Variants in PDK1 observed in about 807,000 individuals in gnomAD.
PDK1 encodes the protein pyruvate dehydrogenase kinase 1, also known as [Pyruvate dehydrogenase (acetyl-transferring)] kinase isozyme 1, mitochondrial.
A neutral mutation model predicts 54.2 loss-of-function variants in PDK1; 39 were observed. The ratio of observed to expected loss-of-function variants is 0.72; its 90% CI spans 0.56 to 0.94. The LOEUF (loss-of-function observed/expected upper bound fraction) is 0.94, where lower values mean the gene tolerates loss of function less well. PDK1 is among the 40% of genes least tolerant of loss of function. The probability of loss-of-function intolerance (pLI) is 0.00; values close to 1 mark genes in which losing one functional copy is unlikely to be tolerated. For synonymous variants in PDK1, 221 were observed against 207.1 expected (o/e 1.07, Z -0.58); for missense variants, 552 against 566.0 (o/e 0.98, Z 0.25).
chr2:172,717,163 C>G, the PDK1 span, among the ~76,000 whole-genome samples: 28 of 152,202 alleles, frequency 1.8e-4, no homozygotes, highest in Admixed American at 1.8e-3. Context: ...TATCAAAGAA[C>G]TGCTTACGGC....
At chr2:172,693,753 C>T in the PDK1 span, among the ~76,000 whole-genome samples, 1 of 152,178 alleles carries the variant, frequency 6.6e-6, no homozygotes, top group Admixed American at 6.5e-5. Flanking sequence ...TGCTCCACAT[C>T]TGAGCAAGCT....
At chr2:172,584,111 T>C (rs540741786) in intron 8 of PDK1, among the ~76,000 whole-genome samples, 102 of 152,286 alleles carry the variant, frequency 6.7e-4, no homozygotes, top group African/African-American at 2.3e-3. Context: ...CTTACGAACA[T>C]ATCAGAAAGT....
At chr2:172,632,001 C>T in the PDK1 span, among the ~76,000 whole-genome samples, 5 of 151,974 alleles carry the variant, frequency 3.3e-5, no homozygotes, top group African/African-American at 9.7e-5. Context: ...TGAGGCCGGA[C>T]GTGGTGGCTC....
the PDK1 span, among the ~76,000 whole-genome samples, chr2:172,661,493 C>T: frequency 2.6e-5 from 4 of 152,106 alleles, no homozygotes; most frequent in Non-Finnish European, 4.4e-5. Context: ...CATTCAGTGA[C>T]GTCAGCCATG....
chr2:172,591,960 T>A (rs762576045), intron 9 of PDK1, among the ~76,000 whole-genome samples: 1 of 152,230 alleles, frequency 6.6e-6, no homozygotes, highest in African/African-American at 2.4e-5. Context: ...ATAGTTTCCT[T>A]ATTACTTACT....
intron 8 of PDK1, among the ~76,000 whole-genome samples, chr2:172,585,316 ATTTTTTTTTTTTTTT>A (rs538241255): frequency 1.9e-5 from 2 of 103,300 alleles, no homozygotes; most frequent in Non-Finnish European, 1.9e-5. Context: ...TGCATTTTTA[ATTTTTTTTTTTTTTT>A]TTTTTTTTTT....
the PDK1 span, among the ~76,000 whole-genome samples, chr2:172,672,660 T>G: frequency 5.3e-5 from 8 of 152,284 alleles, no homozygotes; most frequent in African/African-American, 1.9e-4. Flanking sequence ...CTTTGTATTT[T>G]TACAATATCA....
the PDK1 span, among the ~76,000 whole-genome samples, chr2:172,705,511 G>T: frequency 6.6e-6 from 1 of 152,068 alleles, no homozygotes; most frequent in African/African-American, 2.4e-5. Flanking sequence ...TGTATGTTTC[G>T]CTTTACCATA....
intron 3 of PDK1, chr2:172,562,632 A>G (rs1371630468): frequency 2.8e-6 from 2 of 703,198 alleles, no homozygotes; most frequent in Non-Finnish European, 5.0e-6. Context: ...TGCCCATATC[A>G]TCTGATTGTT....
intron 3 of PDK1, 63 bp from the exon 4 acceptor site, chr2:172,564,440 A>G: frequency 7.4e-7 from 1 of 1,359,296 alleles, no homozygotes; most frequent in Non-Finnish European, 1.0e-6. Flanking sequence ...GGTTAAGCTT[A>G]TATTTTTGTA....
rs1335926870 is a variant in PDK1 at position 172,564,668 on chromosome 2, A to G, written c.576A>G (p.Arg192=). The G allele has an allele frequency of 6.2e-7, 1 of 1,613,892 alleles. No homozygotes were observed. The highest frequency in any genetic ancestry group is 1.7e-5 in the Admixed American group (1 of 60,026). Residue 192 remains arginine, a synonymous_variant, in exon 4 of 11, where the codon AGA becomes AGG. Transcript: ENST00000282077. ...DRFYMSRISI[R]MLLNQHSLLF... is the part of the protein sequence containing the mutation. ...TCTACATGAGTCGCATTTCAATTAG[A>G]ATGTTACTCAATCAGCACTGTAAGT... is the stretch of plus-strand genomic sequence containing the variant.
the PDK1 span, among the ~76,000 whole-genome samples, chr2:172,629,809 T>G: frequency 1.3e-5 from 2 of 152,164 alleles, no homozygotes; most frequent in African/African-American, 2.4e-5. Context: ...CTCCTGCCGA[T>G]TGGCCAGAAG....
the PDK1 span, among the ~76,000 whole-genome samples, chr2:172,622,819 ATATAT>A: frequency 1.4e-5 from 2 of 147,384 alleles, no homozygotes; most frequent in Non-Finnish European, 3.0e-5. Context: ...GTATATGTTT[ATATAT>A]TATATGTAAT....
intron 9 of PDK1, among the ~76,000 whole-genome samples, chr2:172,587,502 G>GT (rs1471320180): frequency 6.6e-6 from 1 of 151,432 alleles, no homozygotes; most frequent in Non-Finnish European, 1.5e-5. Flanking sequence ...CGTGGTCTCG[G>GT]TGGCTTCAGG....
the PDK1 span, among the ~76,000 whole-genome samples, chr2:172,628,895 G>T: frequency 2.0e-5 from 3 of 152,148 alleles, no homozygotes; most frequent in African/African-American, 2.4e-5. Flanking sequence ...GAGTTGGGAG[G>T]ACTTCTTGAG....
rs1375737094 is a variant in PDK1 at position 172,599,894 on chromosome 2, TCTTTTA to T, written c.*3930_*3935del. 3.9e-5 allele frequency: 6 copies of T among 152,198 alleles called. No homozygotes were observed. The highest frequency in any genetic ancestry group is 1.4e-4 in the African/African-American group (6 of 41,440). 9.4% of individuals were successfully genotyped at this position (152,198 alleles called of 1,614,324 possible). A position where few individuals can be genotyped will look rare whatever the true frequency, so the allele number is the denominator to read the frequency against. On this transcript the variant is annotated 3_prime_UTR_variant, in exon 11 of 11. Coordinates refer to ENST00000282077, the MANE Select transcript of PDK1 (RefSeq NM_002610.5). ...TTTATATTGGGAATTGTGACAGCTG[TCTTTTA>T]CTTTGTTAAATTAGCAATTATTTAG...
At chr2:172,559,294 G>A (rs1431769541) in intron 2 of PDK1, among the ~76,000 whole-genome samples, 2 of 152,166 alleles carry the variant, frequency 1.3e-5, no homozygotes, top group East Asian at 1.9e-4. Context: ...GGGGGCAGGT[G>A]GGGGCAATGT....
chr2:172,590,831 C>G (rs1690530381), intron 9 of PDK1, among the ~76,000 whole-genome samples: 1 of 151,776 alleles, frequency 6.6e-6, no homozygotes, highest in Non-Finnish European at 1.5e-5. Context: ...ACACAGAGTG[C>G]TGATTGGTGC....
the PDK1 span, among the ~76,000 whole-genome samples, chr2:172,637,695 CTTAT>C: frequency 6.6e-6 from 1 of 151,676 alleles, no homozygotes; most frequent in Non-Finnish European, 1.5e-5. Context: ...CATTTATCTT[CTTAT>C]TTTTTTATTT....
Sources: gnomAD v4.1 joint callset for allele counts (sites outside exome capture counted in the v4.1 genomes callset) on GRCh38, gnomAD v4.1.1 for gene constraint, MANE v1.5 for transcripts, NCBI Gene and HGNC (gene_info 2026-07-23, HGNC 2026-07-21) for gene names.